RAVER2: variants seen among roughly 807,000 people sequenced by gnomAD.
RAVER2 encodes ribonucleoprotein PTB-binding 2.
In RAVER2, 46 loss-of-function variants were observed where a neutral mutation model predicts 78.1. The observed-to-expected ratio is 0.59, with a 90% CI of 0.46 to 0.75. RAVER2 has a LOEUF of 0.75. Ranked by LOEUF, RAVER2 falls within the 30% of genes least tolerant of loss-of-function variation. The pLI, the probability that RAVER2 is intolerant of heterozygous loss-of-function variation, is 0.00. For synonymous variants in RAVER2, 311 were observed against 313.3 expected, an observed-to-expected ratio of 0.99 and a Z score of 0.08; for missense variants, 793 against 837.5, an observed-to-expected ratio of 0.95 and a Z score of 0.66.
intron 6 of RAVER2, among the ~76,000 whole-genome samples, chr1:64,803,510 A>T (rs1224122382): frequency 6.6e-6 from 1 of 152,162 alleles, no homozygotes; most frequent in Non-Finnish European, 1.5e-5. Flanking sequence ...AATATTTTAA[A>T]TGTGTGTTTA....
chr1:64,763,212 G>T (rs1570533880), intron 1 of RAVER2, among the ~76,000 whole-genome samples: 1 of 152,194 alleles, frequency 6.6e-6, no homozygotes, highest in East Asian at 1.9e-4. Context: ...CAGGAGAATG[G>T]TGTGAACCAG....
chr1:64,802,521 A>G (rs1653296184), intron 5 of RAVER2, among the ~76,000 whole-genome samples: 1 of 152,086 alleles, frequency 6.6e-6, no homozygotes, highest in South Asian at 2.1e-4. Context: ...TGATTTTATT[A>G]TGTAAATATT....
At chr1:64,797,763 C>T (rs1239642078) in intron 5 of RAVER2, among the ~76,000 whole-genome samples, 12 of 151,984 alleles carry the variant, frequency 7.9e-5, no homozygotes, top group Admixed American at 7.2e-4. Flanking sequence ...CCGTATCTAT[C>T]TATATCTATA....
At chr1:64,791,582 T>A (rs1042553457) in intron 5 of RAVER2, among the ~76,000 whole-genome samples, 1 of 152,236 alleles carries the variant, frequency 6.6e-6, no homozygotes, top group African/African-American at 2.4e-5. Context: ...ATTCAGTACT[T>A]CATATAATTA....
At chr1:64,802,852 A>G (rs966585963) in intron 5 of RAVER2, 124 bp from the exon 6 acceptor site, 4 of 564,214 alleles carry the variant, frequency 7.1e-6, no homozygotes, top group Non-Finnish European at 1.2e-5. Flanking sequence ...TCACTATATC[A>G]TTGAACTTTC....
At chr1:64,751,539 C>G (rs1326062326) in intron 1 of RAVER2, among the ~76,000 whole-genome samples, 2 of 152,146 alleles carry the variant, frequency 1.3e-5, no homozygotes, top group African/African-American at 2.4e-5. Flanking sequence ...CTTGATTCTT[C>G]TATTTGCACT....
intron 11 of RAVER2, among the ~76,000 whole-genome samples, chr1:64,817,934 C>T (rs917730503): frequency 2.6e-5 from 4 of 152,056 alleles, no homozygotes; most frequent in African/African-American, 9.7e-5. Flanking sequence ...TAAATGATCA[C>T]CTTCATTATA....
chr1:64,801,800 G>A (rs768122785), intron 5 of RAVER2, among the ~76,000 whole-genome samples: 3 of 152,144 alleles, frequency 2.0e-5, no homozygotes, highest in African/African-American at 4.8e-5. Flanking sequence ...CCAGGAGGCC[G>A]GAGGTTGCAG....
intron 1 of RAVER2, among the ~76,000 whole-genome samples, chr1:64,752,020 AT>A (rs1235836640): frequency 6.6e-6 from 1 of 152,166 alleles, no homozygotes; most frequent in Non-Finnish European, 1.5e-5. Context: ...CACCTAGAAC[AT>A]TTGGCTATAC....
chr1:64,804,961 T>G, intron 7 of RAVER2, 30 bp from the exon 8 acceptor site: 2 of 1,601,758 alleles, frequency 1.2e-6, no homozygotes, highest in Non-Finnish European at 8.5e-7. Flanking sequence ...CTTATGGCCA[T>G]GGGTCTTACC....
At chr1:64,751,092 A>G (rs1276876353) in intron 1 of RAVER2, among the ~76,000 whole-genome samples, 1 of 152,274 alleles carries the variant, frequency 6.6e-6, no homozygotes, top group African/African-American at 2.4e-5. Context: ...ATGCTGTGTT[A>G]ACAGCCATTC....
intron 11 of RAVER2, among the ~76,000 whole-genome samples, chr1:64,817,764 G>T (rs1389447741): frequency 7.9e-6 from 1 of 126,360 alleles, no homozygotes; most frequent in African/African-American, 2.9e-5. Flanking sequence ...GGGGTGGGGG[G>T]AGGGGCAGGG....
At chr1:64,760,319 C>T (rs1020450700) in intron 1 of RAVER2, among the ~76,000 whole-genome samples, 1 of 152,184 alleles carries the variant, frequency 6.6e-6, no homozygotes, top group Non-Finnish European at 1.5e-5. Context: ...TTTCCAAACC[C>T]TTCTCCCAAG....
At chr1:64,759,306 G>T (rs938290607) in intron 1 of RAVER2, among the ~76,000 whole-genome samples, 6 of 151,486 alleles carry the variant, frequency 4.0e-5, no homozygotes, top group Non-Finnish European at 7.4e-5. Flanking sequence ...TGCAACCTCC[G>T]CCTCCCGGGT....
chr1:64,791,729 C>T (rs529351936), intron 5 of RAVER2, among the ~76,000 whole-genome samples: 5 of 152,132 alleles, frequency 3.3e-5, no homozygotes, highest in African/African-American at 4.8e-5. Context: ...TCATTACTTC[C>T]CAAGGCAGCC....
chr1:64,769,852 A>G (rs2500234), intron 2 of RAVER2, among the ~76,000 whole-genome samples: 74,090 of 151,776 alleles, frequency 0.49, 20,640 homozygotes, highest in African/African-American at 0.77. Context: ...TGACTAACCT[A>G]TAATTTTACC....
At chr1:64,818,512 G>A (rs773684023) in intron 11 of RAVER2, among the ~76,000 whole-genome samples, 1 of 152,124 alleles carries the variant, frequency 6.6e-6, no homozygotes, top group Non-Finnish European at 1.5e-5. Flanking sequence ...CTCCAGCCTG[G>A]GCGACAGAGT....
chr1:64,790,325 C>A (rs898876538), intron 5 of RAVER2, among the ~76,000 whole-genome samples: 2 of 152,162 alleles, frequency 1.3e-5, no homozygotes, highest in Non-Finnish European at 2.9e-5. Flanking sequence ...CTATGAATTA[C>A]CCCTCTGTCC....
rs550045391 is a variant in RAVER2 at position 64,804,997 on chromosome 1, G to A, written c.1303G>A (p.Gly435Ser). 31 of 1,613,432 alleles carry A rather than the reference G, an allele frequency of 1.9e-5. No individual in the cohort carries two copies. The highest frequency in any genetic ancestry group is 1.8e-4 in the East Asian group (8 of 44,842). The change falls in exon 8 of 12, where the codon GGC (glycine) becomes AGC (serine). Residue 435 changes from glycine to serine, a missense_variant. Physicochemically the swap from Gly to Ser is moderately conservative, Grantham distance 56 (BLOSUM62 0). Transcript: ENST00000294428. ...TTTTTTTCTTCTTTTGTAGAAACCC[G>A]GCTTACTTGGAGAGCCCCCAGCTGT... is the stretch of plus-strand genomic sequence containing the variant.
Sources: gnomAD v4.1 joint callset for allele counts (sites outside exome capture counted in the v4.1 genomes callset) on GRCh38, gnomAD v4.1.1 for gene constraint, MANE v1.5 for transcripts, NCBI Gene and HGNC (gene_info 2026-07-23, HGNC 2026-07-21) for gene names.